APOO: variants seen among roughly 807,000 people sequenced by gnomAD.
The protein encoded by APOO is apolipoprotein O.
In APOO, 11 loss-of-function variants were observed where a neutral mutation model predicts 23.1. The observed-to-expected ratio is 0.48, with a 90% CI of 0.30 to 0.79. The LOEUF is 0.79. Ranked by LOEUF, APOO falls within the 30% of genes least tolerant of loss-of-function variation. The probability of loss-of-function intolerance (pLI) is 0.07; values close to 1 mark genes in which losing one functional copy is unlikely to be tolerated. For missense variants in APOO, 160 were observed against 142.7 expected (o/e 1.12, Z -0.62); for synonymous variants, 59 against 54.8 (o/e 1.08, Z -0.34).
chrX:23,867,115 AAAC>A, intron 5 of APOO, among the ~76,000 whole-genome samples: 1 of 45,377 alleles, frequency 2.2e-5, no homozygotes, highest in Non-Finnish European at 3.5e-5. Context: ...AAGCTAAACG[AAAC>A]GAAACGAAAC....
chrX:23,842,307 T>C lies in APOO; in HGVS notation c.562-1930A>G, dbSNP rs1476646081. 2.7e-5 allele frequency among the ~76,000 whole-genome samples: 3 copies of C among 111,404 alleles called. No homozygotes were observed. The Admixed American group carries it at 2.9e-4, about 11-fold the overall frequency. On this transcript the variant is annotated intron_variant, in intron 7 of 8. Coordinates refer to ENST00000379226, the MANE Select transcript of APOO (RefSeq NM_024122.5). ...AGGAGGCTGAGGTGGGAGGATCACT[T>C]AAGCCAGGGAGGTTGAGGCTGCAGT... is the stretch of plus-strand genomic sequence containing the variant.
At chrX:23,880,977 C>A in intron 1 of APOO, 25 bp from the exon 2 acceptor site, 1 of 1,075,761 alleles carries the variant, frequency 9.3e-7, no homozygotes, top group Non-Finnish European at 1.2e-6. Flanking sequence ...CAATCTTAAA[C>A]CTCTCTATGT....
intron 1 of APOO, among the ~76,000 whole-genome samples, chrX:23,902,904 G>A (rs1927188799): frequency 9.0e-6 from 1 of 110,963 alleles, no homozygotes; most frequent in African/African-American, 3.3e-5. Context: ...GCTCTCAGCA[G>A]AGCCCTCAAA....
At chrX:23,879,106 G>A in intron 2 of APOO, 72 bp from the exon 3 acceptor site, 1 of 1,072,234 alleles carries the variant, frequency 9.3e-7, no homozygotes, top group Non-Finnish European at 1.2e-6. Context: ...AAATTTGTAA[G>A]TATTTAATAT....
chrX:23,863,240 G>A (rs930209226), intron 5 of APOO, among the ~76,000 whole-genome samples: 16 of 111,985 alleles, frequency 1.4e-4, no homozygotes, highest in South Asian at 7.3e-4. Flanking sequence ...AGGTTGAGGC[G>A]TGAGAATCAC....
intron 3 of APOO, among the ~76,000 whole-genome samples, chrX:23,876,658 G>A (rs1234955591): frequency 9.1e-6 from 1 of 110,415 alleles, no homozygotes; most frequent in African/African-American, 3.3e-5. Flanking sequence ...AATTATCTGG[G>A]CTTGGTAGCA....
intron 5 of APOO, among the ~76,000 whole-genome samples, chrX:23,863,499 C>G (rs948329680): frequency 8.9e-5 from 10 of 111,784 alleles, no homozygotes; most frequent in African/African-American, 2.9e-4. Flanking sequence ...ATCTACAACG[C>G]CAGATGCTAG....
intron 7 of APOO, among the ~76,000 whole-genome samples, chrX:23,850,184 T>C (rs1429042418): frequency 8.9e-6 from 1 of 112,372 alleles, no homozygotes; most frequent in African/African-American, 3.2e-5. Flanking sequence ...GGTGAAAAGA[T>C]AGATTATGCA....
At chrX:23,868,396 CT>C (rs752566066) in intron 5 of APOO, among the ~76,000 whole-genome samples, 196 bp downstream of exon 5, 2 of 111,561 alleles carry the variant, frequency 1.8e-5, no homozygotes, top group East Asian at 2.8e-4. Context: ...AGGATAACTT[CT>C]TTTTTTTACC....
intron 8 of APOO, among the ~76,000 whole-genome samples, chrX:23,834,598 T>C (rs755401499): frequency 3.6e-5 from 4 of 110,816 alleles, no homozygotes; most frequent in Admixed American, 2.0e-4. Flanking sequence ...GAAAGCATGA[T>C]TACATCACCC....
chrX:23,893,590 CAG>C (rs1926770253), intron 1 of APOO, among the ~76,000 whole-genome samples: 1 of 110,742 alleles, frequency 9.0e-6, no homozygotes, highest in Admixed American at 9.6e-5. Flanking sequence ...TTTTTTGAGA[CAG>C]AGTTTCACTC....
At chrX:23,887,383 G>A (rs1000457653) in intron 1 of APOO, among the ~76,000 whole-genome samples, 5 of 108,398 alleles carry the variant, frequency 4.6e-5, no homozygotes, top group African/African-American at 6.7e-5. Context: ...ACAGGTGTGC[G>A]CCACCACATG....
chrX:23,841,741 A>C (rs1252358011), intron 7 of APOO, among the ~76,000 whole-genome samples: 1 of 109,608 alleles, frequency 9.1e-6, no homozygotes, highest in African/African-American at 3.3e-5. Flanking sequence ...AAGCGAACAC[A>C]CATACCCATA....
chrX:23,861,199 A>G (rs1405240298), intron 5 of APOO, among the ~76,000 whole-genome samples: 1 of 111,051 alleles, frequency 9.0e-6, no homozygotes, highest in Non-Finnish European at 1.9e-5. Context: ...GTGGGACGTG[A>G]CCTGATCATG....
chrX:23,907,720 C>A lies in APOO; in HGVS notation c.-18G>T. On this transcript the variant is annotated 5_prime_UTR_variant, in exon 1 of 9. Coordinates refer to ENST00000379226, the MANE Select transcript of APOO (RefSeq NM_024122.5). ...TTGAACATGTCGCTGGCAGCGGAGG[C>A]TCCGGCAGGGTCACCCCGGCCTCGG... 1.7e-6 allele frequency: 2 copies of A among 1,160,793 alleles called. No homozygotes were observed. The highest frequency in any genetic ancestry group is 2.3e-6 in the Non-Finnish European group (2 of 870,710).
intron 3 of APOO, among the ~76,000 whole-genome samples, chrX:23,878,133 T>C (rs989065011): frequency 8.9e-6 from 1 of 112,030 alleles, no homozygotes; most frequent in Non-Finnish European, 1.9e-5. Flanking sequence ...AAATGCCATA[T>C]CCCCTCCTGG....
Position 23,840,378 on chromosome X carries a change from C to T in APOO, c.562-1G>A. Reference sequence around the variant, plus strand: ...CAGGTGAATTCTTCACATTTCCTGGCTTTTAAAACAAAAGAAAGAGCTTGA... The same window carrying T: ...CAGGTGAATTCTTCACATTTCCTGGTTTTTAAAACAAAAGAAAGAGCTTGA... On this transcript the variant is annotated splice_acceptor_variant, in intron 7 of 8. Coordinates refer to ENST00000379226, the MANE Select transcript of APOO (RefSeq NM_024122.5). LOFTEE classifies it high-confidence loss of function. The T allele has an allele frequency of 8.3e-7, 1 of 1,198,677 alleles. No homozygotes were observed. Among genetic ancestry groups the T allele is most frequent in the Non-Finnish European group, 1.1e-6 (1 of 889,252 alleles).
In APOO at chrX:23,840,353, CAG is replaced by C. The variant is rs773880137; in HGVS notation, c.584_585del (p.Pro195ArgfsTer3). The C allele has an allele frequency of 8.3e-7, 1 of 1,199,487 alleles. No individual in the cohort carries two copies. The highest frequency in any genetic ancestry group is 1.1e-6 in the Non-Finnish European group (1 of 890,380). On this transcript the variant is annotated frameshift_variant, in exon 8 of 9. Coordinates refer to ENST00000379226, the MANE Select transcript of APOO (RefSeq NM_024122.5). LOFTEE classifies it high-confidence loss of function. ...GAGCATGGAGTTTTCTACTTAGTTCCAGGTGAATTCTTCACATTTCCTGGCTT... is the reference window on the plus strand; with the variant it reads ...GAGCATGGAGTTTTCTACTTAGTTCCGTGAATTCTTCACATTTCCTGGCTT... ...FQKPGNVKNS[P>X]GTK
intron 1 of APOO, among the ~76,000 whole-genome samples, chrX:23,903,396 G>C (rs1234265931): frequency 1.8e-5 from 2 of 110,031 alleles, no homozygotes; most frequent in Non-Finnish European, 3.8e-5. Flanking sequence ...TGGAGCATTT[G>C]AGGCCGCATC....
Sources: allele counts gnomAD v4.1 joint callset (sites outside exome capture counted in the v4.1 genomes callset), GRCh38; gene constraint gnomAD v4.1.1; transcripts MANE v1.5; gene names NCBI Gene and HGNC (gene_info 2026-07-23, HGNC 2026-07-21).